MAST4: variants seen among roughly 807,000 people sequenced by gnomAD.
The protein encoded by MAST4 is microtubule associated serine/threonine kinase family member 4, also known as microtubule-associated serine/threonine-protein kinase 4.
A neutral mutation model predicts 162.7 loss-of-function variants in MAST4; 89 were observed. The observed-to-expected ratio is 0.55, with a 90% CI of 0.46 to 0.65. The LOEUF (loss-of-function observed/expected upper bound fraction) is 0.65, where lower values mean the gene tolerates loss of function less well. Among genes scored for constraint, MAST4 ranks in the 30% least tolerant of loss-of-function variants. The pLI, the probability that MAST4 is intolerant of heterozygous loss-of-function variation, is 0.00. For synonymous variants in MAST4, 1,479 were observed against 1,361.1 expected (o/e 1.09, Z -1.91); for missense variants, 3,153 against 3,374.0 (o/e 0.93, Z 1.62).
chr5:67,094,781 G>A (rs1428779115), intron 6 of MAST4, among the ~76,000 whole-genome samples: 1 of 152,112 alleles, frequency 6.6e-6, no homozygotes, highest in African/African-American at 2.4e-5. Flanking sequence ...CTCCAACTGA[G>A]AAACCACCCA....
chr5:67,126,703 CTTAGGA>C (rs1467539638), intron 14 of MAST4, among the ~76,000 whole-genome samples: 3 of 152,118 alleles, frequency 2.0e-5, no homozygotes, highest in Non-Finnish European at 4.4e-5. Flanking sequence ...GTTCTTTTGG[CTTAGGA>C]TTGTCTTGGC....
chr5:66,816,662 C>T (rs1308280078), intron 3 of MAST4, among the ~76,000 whole-genome samples: 3 of 152,118 alleles, frequency 2.0e-5, no homozygotes, highest in Non-Finnish European at 4.4e-5. Flanking sequence ...ACCCCGGCTG[C>T]CATCACACTG....
At chr5:66,802,522 T>C (rs1250794737) in intron 3 of MAST4, among the ~76,000 whole-genome samples, 1 of 152,194 alleles carries the variant, frequency 6.6e-6, no homozygotes, top group Non-Finnish European at 1.5e-5. Context: ...TTCTTGCATA[T>C]GTAAAGGGTT....
At position 67,166,953 on chromosome 5, in the gene MAST4, GACC is replaced by G; in HGVS notation, c.7775_7777del (p.Asp2592_Arg2593delinsGly). On this transcript the variant is annotated inframe_deletion, in exon 29 of 29. Transcript: ENST00000403625. Reference sequence around the variant, plus strand: ...CAAGCCATCCCCAGCCCCAAACACTGACCGCCCCATCTCTCTTTCTAATGAGAA... The same window carrying G: ...CAAGCCATCCCCAGCCCCAAACACTGGCCCCATCTCTCTTTCTAATGAGAA... The G allele has an allele frequency of 6.2e-7, 1 of 1,612,414 alleles. No individual in the cohort carries two copies. The highest frequency in any genetic ancestry group is 1.1e-5 in the South Asian group (1 of 90,836).
chr5:66,598,823 G>T (rs988507611), intron 1 of MAST4, among the ~76,000 whole-genome samples: 3 of 152,180 alleles, frequency 2.0e-5, no homozygotes, highest in African/African-American at 7.2e-5. Context: ...TGTTGTCGGG[G>T]AACTTCTGAT....
At chr5:66,753,665 T>C (rs974281629) in intron 1 of MAST4, among the ~76,000 whole-genome samples, 30 of 151,484 alleles carry the variant, frequency 2.0e-4, no homozygotes, top group African/African-American at 7.3e-4. Context: ...ATCAATAGCT[T>C]ACCAACCAAA....
intron 3 of MAST4, among the ~76,000 whole-genome samples, chr5:66,867,298 T>G (rs890057113): frequency 6.6e-5 from 10 of 152,226 alleles, no homozygotes; most frequent in Admixed American, 6.5e-4. Context: ...AATCGTCTGA[T>G]GTTAGCAACT....
intron 2 of MAST4, among the ~76,000 whole-genome samples, chr5:66,761,832 C>T (rs1259438673): frequency 3.3e-5 from 5 of 152,154 alleles, no homozygotes; most frequent in Non-Finnish European, 7.3e-5. Flanking sequence ...TTCATAAATG[C>T]AGACTATTTG....
At chr5:67,078,910 A>AAATAAATATATATATATAT (rs1491289898) in intron 5 of MAST4, among the ~76,000 whole-genome samples, 488 of 22,104 alleles carry the variant, frequency 0.022, 16 homozygotes, top group South Asian at 0.045. Flanking sequence ...ATTTTTATAT[A>AAATAAATATATATATATAT]AATATATATA....
intron 3 of MAST4, among the ~76,000 whole-genome samples, chr5:66,808,722 G>A (rs150776686): frequency 4.7e-4 from 72 of 152,216 alleles, no homozygotes; most frequent in South Asian, 1.5e-3. Flanking sequence ...GCCTGATCCC[G>A]TAGCCCAGAC....
intron 1 of MAST4, among the ~76,000 whole-genome samples, chr5:66,622,200 A>G (rs1433868606): frequency 6.6e-6 from 1 of 152,160 alleles, no homozygotes; most frequent in Non-Finnish European, 1.5e-5. Context: ...TTGTGTAAAG[A>G]TTTGAACAAG....
intron 4 of MAST4, among the ~76,000 whole-genome samples, chr5:66,973,757 G>A (rs1166875876): frequency 6.6e-6 from 1 of 151,964 alleles, no homozygotes; most frequent in Non-Finnish European, 1.5e-5. Flanking sequence ...TTCTTCAGTT[G>A]AAGAATATTC....
intron 19 of MAST4, among the ~76,000 whole-genome samples, chr5:67,140,486 G>A (rs1770240249): frequency 6.6e-6 from 1 of 152,196 alleles, no homozygotes; most frequent in East Asian, 1.9e-4. Context: ...CCCAGTATTG[G>A]CAGTTCTGAA....
intron 1 of MAST4, among the ~76,000 whole-genome samples, chr5:66,755,786 T>A (rs1753497785): frequency 6.6e-6 from 1 of 151,694 alleles, no homozygotes; most frequent in Non-Finnish European, 1.5e-5. Flanking sequence ...GTGAGAACAC[T>A]TAAATCTACT....
chr5:66,961,330 C>T (rs567429730), intron 4 of MAST4, among the ~76,000 whole-genome samples: 78 of 152,304 alleles, frequency 5.1e-4, no homozygotes, highest in African/African-American at 1.8e-3. Context: ...ATGTGTAGAA[C>T]AGCTTTTGAA....
chr5:67,078,199 G>A (rs1761909487), intron 5 of MAST4, among the ~76,000 whole-genome samples: 1 of 151,966 alleles, frequency 6.6e-6, no homozygotes, highest in Non-Finnish European at 1.5e-5. Context: ...ACACCTAAAA[G>A]CCATAAAGGA....
intron 4 of MAST4, among the ~76,000 whole-genome samples, chr5:66,927,043 A>T (rs1002250779): frequency 2.0e-5 from 3 of 152,224 alleles, no homozygotes; most frequent in African/African-American, 7.2e-5. Flanking sequence ...AATTTAAAAA[A>T]ATAAAATCTG....
At chr5:66,857,274 C>T (rs889305331) in intron 3 of MAST4, among the ~76,000 whole-genome samples, 1 of 152,152 alleles carries the variant, frequency 6.6e-6, no homozygotes, top group African/African-American at 2.4e-5. Context: ...CATGAATATA[C>T]CACAGTTTAT....
At chr5:66,612,111 T>G (rs1218661547) in intron 1 of MAST4, among the ~76,000 whole-genome samples, 1 of 152,206 alleles carries the variant, frequency 6.6e-6, no homozygotes, top group Non-Finnish European at 1.5e-5. Context: ...TTAACCCAAA[T>G]TCACAGGCTG....
Sources: gnomAD v4.1 joint callset for allele counts (sites outside exome capture counted in the v4.1 genomes callset) on GRCh38, gnomAD v4.1.1 for gene constraint, MANE v1.5 for transcripts, NCBI Gene and HGNC (gene_info 2026-07-23, HGNC 2026-07-21) for gene names.